Variants in RETREG2 observed in about 807,000 individuals in gnomAD.
RETREG2 encodes the protein reticulophagy regulator family member 2, also known as reticulophagy regulator 2.
RETREG2 carries 21 observed loss-of-function variants against 51.6 expected under a neutral mutation model. That is an observed-to-expected ratio of 0.41 (90% confidence interval 0.29 to 0.59). RETREG2 has a LOEUF of 0.59. Among genes scored for constraint, RETREG2 ranks in the 20% least tolerant of loss-of-function variants. The pLI is 0.34. For synonymous variants in RETREG2, 339 were observed against 288.6 expected, an observed-to-expected ratio of 1.17 and a Z score of -1.77; for missense variants, 674 against 646.0, an observed-to-expected ratio of 1.04 and a Z score of -0.47.
chr2:219,182,872 G>A lies in RETREG2; in HGVS notation c.*243G>A. The A allele has an allele frequency of 5.5e-6, 3 of 549,680 alleles. No homozygotes were observed. In the South Asian group the frequency reaches 6.7e-5, roughly 12 times the overall value. 34.1% of individuals were successfully genotyped at this position (549,680 alleles called of 1,614,324 possible). A position where few individuals can be genotyped will look rare whatever the true frequency, so the allele number is the denominator to read the frequency against. On this transcript the variant is annotated 3_prime_UTR_variant, in exon 9 of 9. Transcript: ENST00000430297. ...CCATTTGGGTTAGTGGATGTGAACA[G>A]GGCTAGGGAAGTCCTTCCCACAGCC...
chr2:219,181,804 C>T, intron 8 of RETREG2, 29 bp downstream of exon 8: 1 of 1,607,188 alleles, frequency 6.2e-7, no homozygotes, highest in Admixed American at 1.7e-5. Flanking sequence ...TGCCCTGCTC[C>T]CCGCCACAAT....
intron 6 of RETREG2, 36 bp downstream of exon 6, chr2:219,181,241 C>CG (rs1388888131): frequency 1.9e-6 from 3 of 1,612,578 alleles, no homozygotes. Context: ...GGTGAAAGAG[C>CG]GGGAGGGCCT....
At chr2:219,180,573 T>A in intron 4 of RETREG2, 97 bp from the exon 5 acceptor site, 1 of 1,597,406 alleles carries the variant, frequency 6.3e-7, no homozygotes, top group Non-Finnish European at 8.5e-7. Flanking sequence ...CTTGAGTACA[T>A]ACCCATCCTT....
In RETREG2 at chr2:219,181,778, A is replaced by T; in HGVS notation, c.1015+3A>T. ...GCAGCTGACTGATGTCTCCGAGGGT[A>T]TGGGGAGCCCTTTGCTGCCCTGCTC... is the stretch of plus-strand genomic sequence containing the variant. On this transcript the variant is annotated splice_donor_region_variant and intron_variant, in intron 8 of 8. Coordinates refer to ENST00000430297, the MANE Select transcript of RETREG2 (RefSeq NM_024293.6). 6.2e-7 allele frequency: 1 copy of T among 1,612,784 alleles called. No individual in the cohort carries two copies. The highest frequency in any genetic ancestry group is 2.2e-5 in the East Asian group (1 of 44,852).
chr2:219,181,844 G>A (rs1950284096), intron 8 of RETREG2, 69 bp downstream of exon 8: 1 of 1,588,060 alleles, frequency 6.3e-7, no homozygotes, highest in Non-Finnish European at 8.6e-7. Context: ...GGTACTTACT[G>A]TGCTCTCTGG....
rs764283362 is a variant in RETREG2, at chr2:219,182,353, A to T, written c.1356A>T (p.Pro452=). The T allele has an allele frequency of 6.2e-7, 1 of 1,613,506 alleles. No homozygotes were observed. The highest frequency in any genetic ancestry group is 8.5e-7 in the Non-Finnish European group (1 of 1,179,842). The change falls in exon 9 of 9, where the codon CCA becomes CCT. Residue 452 remains proline (P), a synonymous_variant. Transcript: ENST00000430297. ...LTALPGTLSP[P]LCLVGSDPAP... Reference sequence around the variant, plus strand: ...CTCTGCCCGGCACCCTGTCACCTCCACTTTGCCTTGTTGGAAGTGACCCAG... The same window carrying T: ...CTCTGCCCGGCACCCTGTCACCTCCTCTTTGCCTTGTTGGAAGTGACCCAG...
Position 219,182,672 on chromosome 2 carries a change from T to C in RETREG2, c.*43T>C. 1 of 1,595,060 alleles carries C rather than the reference T, an allele frequency of 6.3e-7. No individual in the cohort carries two copies. The highest frequency in any genetic ancestry group is 8.6e-7 in the Non-Finnish European group (1 of 1,169,110). On this transcript the variant is annotated 3_prime_UTR_variant, in exon 9 of 9. Transcript: ENST00000430297. The stretch of plus-strand genomic sequence containing the variant: ...GAGCTGCAGGCACAGTAGGGCTTCC[T>C]GGCTAGGAGTGTTGCTGTTTCCTCC...
intron 3 of RETREG2, 79 bp downstream of exon 3, chr2:219,179,842 G>C: frequency 1.4e-6 from 2 of 1,459,636 alleles, no homozygotes; most frequent in Non-Finnish European, 1.9e-6. Flanking sequence ...ATGGAGCAGG[G>C]CAGTGCCCCA....
chr2:219,181,436 G>C lies in RETREG2; in HGVS notation c.852G>C (p.Glu284Asp), dbSNP rs1559221501. The C allele has an allele frequency of 4.3e-6, 7 of 1,614,006 alleles. No individual in the cohort carries two copies. In the South Asian group the frequency reaches 4.4e-5, roughly 10 times the overall value. Residue 284 changes from glutamate to aspartate, a missense_variant, in exon 7 of 9, where the codon GAG (glutamate) becomes GAC (aspartate). Physicochemically the swap from Glu to Asp is conservative, Grantham distance 45. Coordinates refer to ENST00000430297, the MANE Select transcript of RETREG2 (RefSeq NM_024293.6). ...TGGCAGAGACAGAGAGTGAAAGCGA[G>C]GCAGAGCTGGCTGGCTTCTCCCCAG... ...EPLAETESES[E>D]AELAGFSPVV...
chr2:219,180,870 A>G (rs1950268775), intron 5 of RETREG2, 116 bp downstream of exon 5: 2 of 1,372,514 alleles, frequency 1.5e-6, no homozygotes, highest in East Asian at 4.6e-5. Context: ...GGAGATCTCC[A>G]GGGATGCTTT....
intron 8 of RETREG2, 63 bp downstream of exon 8, chr2:219,181,838 C>CT: frequency 6.3e-7 from 1 of 1,593,148 alleles, no homozygotes; most frequent in Non-Finnish European, 8.6e-7. Flanking sequence ...ACCATGGGTA[C>CT]TTACTGTGCT....
At chr2:219,178,814 A>G in intron 1 of RETREG2, 108 bp from the exon 2 acceptor site, 3 of 1,092,836 alleles carry the variant, frequency 2.7e-6, no homozygotes, top group East Asian at 2.4e-5. Flanking sequence ...GTCGCGAGTT[A>G]GGCCTGGAGG....
intron 1 of RETREG2, 98 bp downstream of exon 1, chr2:219,178,731 C>T (rs1244675664): frequency 2.3e-6 from 3 of 1,319,646 alleles, no homozygotes; most frequent in South Asian, 1.5e-5. Flanking sequence ...GGCCTGGGGG[C>T]ATGACCCATC....
chr2:219,178,532 C>T lies in RETREG2; in HGVS notation c.180C>T (p.Leu60=), dbSNP rs774066878. The change falls in exon 1 of 9, where the codon CTC becomes CTT. Residue 60 remains leucine, a synonymous_variant. Transcript: ENST00000430297. Reference sequence around the variant, plus strand: ...TGGCCACGACGCTGTGGCTGCGGCTCCGCGGCTGGGAGGCGGTGCTGGCGG... The same window carrying T: ...TGGCCACGACGCTGTGGCTGCGGCTTCGCGGCTGGGAGGCGGTGCTGGCGG... ...GRLATTLWLR[L]RGWEAVLAAA... is the part of the protein sequence containing the mutation. 9 of 1,432,910 alleles carry T rather than the reference C, an allele frequency of 6.3e-6. No homozygotes were observed. Among genetic ancestry groups the T allele is most frequent in the African/African-American group, 6.0e-5 (4 of 66,596 alleles). The allele number at this position is 1,432,910 out of a possible 1,614,324, so 88.8% of individuals were successfully genotyped here.
At chr2:219,179,096 G>A in intron 2 of RETREG2, 68 bp downstream of exon 2, 1 of 1,214,808 alleles carries the variant, frequency 8.2e-7, no homozygotes, top group Non-Finnish European at 1.2e-6. Context: ...GCTGGGTGGG[G>A]TTAAGTGGCG....
In RETREG2 at chr2:219,178,456, C is replaced by T. The variant is rs1273630757; in HGVS notation, c.104C>T (p.Ala35Val). 4 of 855,524 alleles carry T rather than the reference C, an allele frequency of 4.7e-6. No individual in the cohort carries two copies. Among genetic ancestry groups the T allele is most frequent in the East Asian group, 6.3e-5 (2 of 31,540 alleles). 53.0% of individuals were successfully genotyped at this position (855,524 alleles called of 1,614,324 possible). A position where few individuals can be genotyped will look rare whatever the true frequency, so the allele number is the denominator to read the frequency against. Residue 35 changes from alanine to valine, a missense_variant, in exon 1 of 9, where the codon GCC becomes GTC. Coordinates refer to ENST00000430297, the MANE Select transcript of RETREG2 (RefSeq NM_024293.6). ...GGTCTGAGCCTAGGCATGAGTGAGG[C>T]CACCAGTGAGGCAGAGGAGGAGGCG... ...GLGLSLGMSEATSEAEEEAAT... is the reference protein window; with the variant it reads ...GLGLSLGMSEVTSEAEEEAAT...
intron 6 of RETREG2, 73 bp downstream of exon 6, chr2:219,181,278 G>C (rs576447788): frequency 6.2e-7 from 1 of 1,607,870 alleles, no homozygotes; most frequent in East Asian, 2.2e-5. Flanking sequence ...AGATGCCCTG[G>C]AATTGAGATC....
chr2:219,181,228 G>C (rs370726068), intron 6 of RETREG2, 23 bp downstream of exon 6: 115 of 1,613,258 alleles, frequency 7.1e-5, no homozygotes, highest in African/African-American at 9.3e-5. Context: ...CCTAAGCCAG[G>C]AGGGTGAAAG....
At position 219,182,277 on chromosome 2, in the gene RETREG2, G is replaced by C. The variant is rs754182122; in HGVS notation, c.1280G>C (p.Gly427Ala). ...CCAGATGGAGTGAAATGCTCCCCTG[G>C]AGGACCAGTGGAGACACTGAGCCCC... ...SPPDGVKCSPGGPVETLSPET... is the reference protein window; with the variant it reads ...SPPDGVKCSPAGPVETLSPET... The change falls in exon 9 of 9, where the codon GGA becomes GCA. Residue 427 changes from glycine to alanine, a missense_variant. By Grantham distance (60) the Gly-to-Ala change is moderately conservative. Transcript: ENST00000430297. The C allele has an allele frequency of 6.2e-7, 1 of 1,614,100 alleles. No individual in the cohort carries two copies. The highest frequency in any genetic ancestry group is 8.5e-7 in the Non-Finnish European group (1 of 1,179,994).
Sources: allele counts gnomAD v4.1 joint callset, GRCh38; gene constraint gnomAD v4.1.1; transcripts MANE v1.5; gene names NCBI Gene and HGNC (gene_info 2026-07-23, HGNC 2026-07-21).